RANBP17: variants seen among roughly 807,000 people sequenced by gnomAD.
RANBP17 encodes the protein ran-binding protein 17.
In RANBP17, 158 loss-of-function variants were observed where a neutral mutation model predicts 141.2. The observed-to-expected ratio is 1.12, with a 90% confidence interval of 0.98 to 1.28. The LOEUF (loss-of-function observed/expected upper bound fraction) is 1.28. Ranked by LOEUF, RANBP17 falls within the 50% of genes most tolerant of loss-of-function variation. The pLI is 0.00. For synonymous variants in RANBP17, 430 were observed against 450.0 expected (o/e 0.96, Z 0.56); for missense variants, 1,438 against 1,290.7 (o/e 1.11, Z -1.75).
intron 14 of RANBP17, among the ~76,000 whole-genome samples, chr5:171,106,730 A>G (rs1335151448): frequency 6.6e-6 from 1 of 152,118 alleles, no homozygotes; most frequent in African/African-American, 2.4e-5. Context: ...CACACGAGGA[A>G]GTTTTGTAAA....
chr5:171,180,962 C>A (rs1020579328), intron 16 of RANBP17, among the ~76,000 whole-genome samples: 2 of 152,136 alleles, frequency 1.3e-5, no homozygotes, highest in Admixed American at 1.3e-4. Context: ...TTCTTATTAC[C>A]CATAGACCCT....
intron 14 of RANBP17, among the ~76,000 whole-genome samples, chr5:171,059,419 A>G (rs1479349439): frequency 2.0e-5 from 3 of 152,040 alleles, no homozygotes; most frequent in East Asian, 1.9e-4. Flanking sequence ...ATTAAACAGG[A>G]AATCCTTTCC....
chr5:171,268,935 G>C (rs370059211), intron 25 of RANBP17, among the ~76,000 whole-genome samples: 3 of 152,174 alleles, frequency 2.0e-5, no homozygotes, highest in Non-Finnish European at 4.4e-5. Flanking sequence ...CAGAATTAGC[G>C]TGCATTTGTT....
intron 5 of RANBP17, chr5:170,903,997 A>G: frequency 2.1e-6 from 1 of 485,762 alleles, no homozygotes; most frequent in Admixed American, 2.3e-5. Context: ...AAAAGATTGG[A>G]TCAGATGTTT....
chr5:171,162,205 G>A (rs1759401264), intron 14 of RANBP17, among the ~76,000 whole-genome samples: 1 of 152,198 alleles, frequency 6.6e-6, no homozygotes, highest in Non-Finnish European at 1.5e-5. Context: ...TAGAAGACTA[G>A]TTTAACAGAA....
intron 14 of RANBP17, among the ~76,000 whole-genome samples, chr5:171,079,926 A>G (rs181658044): frequency 1.9e-3 from 292 of 152,286 alleles, no homozygotes; most frequent in Non-Finnish European, 2.9e-3. Flanking sequence ...TGTAGCTTGG[A>G]AAATATAAGT....
chr5:170,968,005 A>G (rs963636644), intron 13 of RANBP17, among the ~76,000 whole-genome samples: 5 of 151,920 alleles, frequency 3.3e-5, no homozygotes, highest in South Asian at 4.1e-4. Flanking sequence ...AGAGTTTTGC[A>G]TCTATATGCA....
chr5:170,935,769 C>T (rs181234435), intron 12 of RANBP17, among the ~76,000 whole-genome samples: 149 of 152,320 alleles, frequency 9.8e-4, no homozygotes, highest in African/African-American at 3.5e-3. Context: ...GGCAGTCGGT[C>T]CGTTCTCAGA....
chr5:171,167,676 G>A (rs1485390242), intron 14 of RANBP17, among the ~76,000 whole-genome samples: 2 of 152,056 alleles, frequency 1.3e-5, no homozygotes, highest in Non-Finnish European at 2.9e-5. Flanking sequence ...ATTCCAGTCA[G>A]AGTTAAGGGC....
intron 14 of RANBP17, among the ~76,000 whole-genome samples, chr5:171,073,836 C>CTT (rs76724013): frequency 7.1e-6 from 1 of 141,176 alleles, no homozygotes. Context: ...TAAGGAGGTA[C>CTT]TTTTTTTTTT....
At chr5:170,919,647 C>G (rs920309354) in intron 11 of RANBP17, 34 bp downstream of exon 11, 5 of 1,467,236 alleles carry the variant, frequency 3.4e-6, no homozygotes, top group Non-Finnish European at 4.6e-6. Context: ...GTTGTATTTC[C>G]TTTTGACACT....
intron 14 of RANBP17, among the ~76,000 whole-genome samples, chr5:171,153,921 GGAGGGT>G (rs987124824): frequency 6.6e-6 from 1 of 151,946 alleles, no homozygotes; most frequent in Non-Finnish European, 1.5e-5. Flanking sequence ...CAGCTACTCG[GGAGGGT>G]GAGGCAGGAG....
chr5:170,992,232 G>A (rs1385250903), intron 14 of RANBP17, among the ~76,000 whole-genome samples: 1 of 151,890 alleles, frequency 6.6e-6, no homozygotes, highest in Admixed American at 6.6e-5. Flanking sequence ...CTTTTCGGGG[G>A]TAGTAGTCAT....
chr5:171,298,167 A>G (rs1010683555), intron 27 of RANBP17, among the ~76,000 whole-genome samples: 15 of 152,006 alleles, frequency 9.9e-5, no homozygotes, highest in Admixed American at 8.5e-4. Context: ...CTAAATTCTC[A>G]CTTTCTGCAA....
At chr5:171,262,648 C>T (rs1473991310) in intron 24 of RANBP17, among the ~76,000 whole-genome samples, 1 of 152,096 alleles carries the variant, frequency 6.6e-6, no homozygotes, top group Admixed American at 6.5e-5. Context: ...GTGTTGGGAA[C>T]ATTCAAAATC....
intron 14 of RANBP17, among the ~76,000 whole-genome samples, chr5:171,128,273 GA>G (rs1756643995): frequency 6.6e-6 from 1 of 152,138 alleles, no homozygotes. Context: ...TGAATGAATG[GA>G]TAAAGAAAAT....
intron 20 of RANBP17, among the ~76,000 whole-genome samples, chr5:171,212,528 A>C (rs1242012013): frequency 2.0e-5 from 3 of 152,208 alleles, no homozygotes; most frequent in African/African-American, 7.2e-5. Flanking sequence ...TAAGAGATGA[A>C]GCTGGAGGTA....
At chr5:171,115,958 G>T (rs903808631) in intron 14 of RANBP17, among the ~76,000 whole-genome samples, 23 of 152,170 alleles carry the variant, frequency 1.5e-4, no homozygotes, top group African/African-American at 4.8e-4. Context: ...TTTAGATTAT[G>T]TGGAGTTTCT....
At chr5:171,005,272 G>C (rs796241935) in intron 14 of RANBP17, among the ~76,000 whole-genome samples, 6 of 152,252 alleles carry the variant, frequency 3.9e-5, no homozygotes, top group African/African-American at 1.2e-4. Context: ...CCAAAAAAGA[G>C]CCTGCATTGC....
Sources: gnomAD v4.1 joint callset for allele counts (sites outside exome capture counted in the v4.1 genomes callset) on GRCh38, gnomAD v4.1.1 for gene constraint, MANE v1.5 for transcripts, NCBI Gene and HGNC (gene_info 2026-07-23, HGNC 2026-07-21) for gene names.